Variants in ALMS1 observed in about 807,000 individuals in gnomAD.
ALMS1 encodes centrosome-associated protein ALMS1.
Under a neutral mutation model 352.2 loss-of-function variants are expected in ALMS1, and 271 were observed. That is an observed-to-expected ratio of 0.77 (90% CI 0.70 to 0.85). The LOEUF (loss-of-function observed/expected upper bound fraction) is 0.85. ALMS1 is among the 40% of genes least tolerant of loss of function. ALMS1 has a pLI of 0.00. For missense variants in ALMS1, 5,445 were observed against 4,870.7 expected (o/e 1.12, Z -3.51); for synonymous variants, 1,865 against 1,761.2 (o/e 1.06, Z -1.48).
chr2:73,410,529 CAT>C (rs2103680549), intron 2 of ALMS1, among the ~76,000 whole-genome samples: 2 of 152,332 alleles, frequency 1.3e-5, no homozygotes, highest in African/African-American at 4.8e-5. Flanking sequence ...AATTACCTAT[CAT>C]AGCTGGATTC....
Position 73,590,748 on chromosome 2 carries a change from G to A in ALMS1, c.11548-8653G>A, listed in dbSNP as rs574488038. On this transcript the variant is annotated intron_variant, in intron 16 of 22. Coordinates refer to ENST00000613296, the MANE Select transcript of ALMS1 (RefSeq NM_001378454.1). ...GGCTGGAGTGCAGTGGAAAGATCTC[G>A]GCTCACTGCAACCTCCACCTTGCGG... Among the ~76,000 whole-genome samples the A allele has an allele frequency of 6.4e-5, 9 of 141,436 alleles. No individual in the cohort carries two copies. The South Asian group carries it at 1.1e-3, about 18-fold the overall frequency. 92.8% of individuals were successfully genotyped at this position (141,436 alleles called of 152,430 possible).
intron 15 of ALMS1, among the ~76,000 whole-genome samples, chr2:73,570,410 A>G (rs1297074560): frequency 6.6e-6 from 1 of 152,196 alleles, no homozygotes; most frequent in Non-Finnish European, 1.5e-5. Context: ...TTGGCCATAC[A>G]TTGAGGTCAT....
intron 16 of ALMS1, 46 bp downstream of exon 16, chr2:73,573,470 T>C: frequency 6.2e-7 from 1 of 1,600,504 alleles, no homozygotes; most frequent in Non-Finnish European, 8.5e-7. Flanking sequence ...GCCCTCTTCA[T>C]GGACTTTTTA....
intron 10 of ALMS1, among the ~76,000 whole-genome samples, chr2:73,511,064 C>G (rs1392737752): frequency 6.6e-6 from 1 of 152,184 alleles, no homozygotes; most frequent in East Asian, 1.9e-4. Context: ...CCTAGGTCGA[C>G]TTCAGGCTGC....
chr2:73,549,922 A>G (rs111256969), intron 12 of ALMS1, among the ~76,000 whole-genome samples: 3,647 of 152,220 alleles, frequency 0.024, 102 homozygotes, highest in Admixed American at 0.09. Flanking sequence ...TGCGGTGGCA[A>G]CATCTCTGCT....
At chr2:73,568,992 C>CCTCTTTTTTTTTTTT (rs1558697963) in intron 15 of ALMS1, among the ~76,000 whole-genome samples, 1 of 66,904 alleles carries the variant, frequency 1.5e-5, no homozygotes, top group African/African-American at 5.2e-5. Flanking sequence ...GCTGCTTCTG[C>CCTCTTTTTTTTTTTT]TTCTTTTTTT....
chr2:73,387,254 G>C (rs1574424814), intron 1 of ALMS1, among the ~76,000 whole-genome samples: 1 of 152,160 alleles, frequency 6.6e-6, no homozygotes, highest in East Asian at 1.9e-4. Context: ...CATTGTGCTG[G>C]GTGCTAAGGA....
intron 16 of ALMS1, among the ~76,000 whole-genome samples, chr2:73,588,647 C>T (rs1278487690): frequency 6.6e-6 from 1 of 152,026 alleles, no homozygotes; most frequent in Non-Finnish European, 1.5e-5. Flanking sequence ...AGTAGTTTTC[C>T]TTTATGAAGA....
In ALMS1 at chr2:73,509,817, T is replaced by C. The variant is rs1042235693; in HGVS notation, c.9540-9958T>C. On this transcript the variant is annotated intron_variant, in intron 10 of 22. Coordinates refer to ENST00000613296, the MANE Select transcript of ALMS1 (RefSeq NM_001378454.1). ...TTGAATGTTGGTCAGTCTTGCTAGGTTGGGGAAGTTCTCCTGGATAATATC... is the reference window on the plus strand; with the variant it reads ...TTGAATGTTGGTCAGTCTTGCTAGGCTGGGGAAGTTCTCCTGGATAATATC... Among the ~76,000 whole-genome samples the C allele has an allele frequency of 3.9e-5, 6 of 152,362 alleles. 1 individual carries two copies. In the East Asian group the frequency reaches 1.2e-3, roughly 29 times the overall value.
intron 16 of ALMS1, among the ~76,000 whole-genome samples, chr2:73,581,061 C>T (rs1020679636): frequency 6.6e-6 from 1 of 152,188 alleles, no homozygotes; most frequent in Non-Finnish European, 1.5e-5. Flanking sequence ...CAGGTCTTTT[C>T]TGAACATGCA....
intron 1 of ALMS1, among the ~76,000 whole-genome samples, chr2:73,407,926 C>G (rs541661640): frequency 6.6e-6 from 1 of 151,230 alleles, no homozygotes; most frequent in Admixed American, 6.6e-5. Context: ...AGTTTGTAAT[C>G]GGATTTTTAG....
At chr2:73,557,402 A>C (rs771717788) in intron 14 of ALMS1, 48 bp downstream of exon 14, 1 of 1,611,440 alleles carries the variant, frequency 6.2e-7, no homozygotes, top group South Asian at 1.1e-5. Flanking sequence ...GGTCTTCTAA[A>C]ATGAGACTAT....
chr2:73,569,473 A>G (rs1452713916), intron 15 of ALMS1, among the ~76,000 whole-genome samples: 1 of 152,156 alleles, frequency 6.6e-6, no homozygotes, highest in Non-Finnish European at 1.5e-5. Flanking sequence ...TGAATTCTAG[A>G]TAGGCCTTCA....
chr2:73,501,151 T>G (rs1004436000), intron 10 of ALMS1, among the ~76,000 whole-genome samples: 1 of 152,202 alleles, frequency 6.6e-6, no homozygotes, highest in South Asian at 2.1e-4. Flanking sequence ...TTATGAAGTA[T>G]CTGTTCACTT....
intron 4 of ALMS1, among the ~76,000 whole-genome samples, chr2:73,424,112 A>G (rs563017650): frequency 6.6e-6 from 1 of 152,270 alleles, no homozygotes; most frequent in South Asian, 2.1e-4. Context: ...AATGATGACT[A>G]GTAAAAAAGT....
intron 16 of ALMS1, among the ~76,000 whole-genome samples, chr2:73,587,917 AGAG>A (rs1431228551): frequency 6.6e-6 from 1 of 152,234 alleles, no homozygotes. Flanking sequence ...TAGAAAATCT[AGAG>A]GAGATGATTA....
chr2:73,487,179 C>T (rs1672868522), intron 9 of ALMS1, among the ~76,000 whole-genome samples: 1 of 152,234 alleles, frequency 6.6e-6, no homozygotes, highest in African/African-American at 2.4e-5. Flanking sequence ...ACATTCTCCG[C>T]ACTTGGCCTG....
Position 73,601,315 on chromosome 2 carries a change from G to T in ALMS1, c.11993G>T (p.Arg3998Met). Reference sequence around the variant, plus strand: ...CCAATAACCAAGACCAGACCCTGGAGGGAGCCACTGCGGGAGCAGAACTGT... The same window carrying T: ...CCAATAACCAAGACCAGACCCTGGATGGAGCCACTGCGGGAGCAGAACTGT... ...FEPITKTRPW[R>M]EPLREQNCQG... Residue 3998 changes from arginine to methionine, a missense_variant, in exon 19 of 23, where the codon AGG becomes ATG. Arg to Met is a moderately conservative substitution (Grantham distance 91, BLOSUM62 -1). Coordinates refer to ENST00000613296, the MANE Select transcript of ALMS1 (RefSeq NM_001378454.1). 6.2e-7 allele frequency: 1 copy of T among 1,614,220 alleles called. No individual in the cohort carries two copies. Among genetic ancestry groups the T allele is most frequent in the Non-Finnish European group, 8.5e-7 (1 of 1,180,036 alleles).
At chr2:73,538,918 C>G (rs941385434) in intron 12 of ALMS1, among the ~76,000 whole-genome samples, 1 of 152,210 alleles carries the variant, frequency 6.6e-6, no homozygotes, top group Non-Finnish European at 1.5e-5. Flanking sequence ...CACCATACCT[C>G]AAGGATGCCT....
Sources: gnomAD v4.1 joint callset for allele counts (sites outside exome capture counted in the v4.1 genomes callset) on GRCh38, gnomAD v4.1.1 for gene constraint, MANE v1.5 for transcripts, NCBI Gene and HGNC (gene_info 2026-07-23, HGNC 2026-07-21) for gene names.